DLG2: variants seen among roughly 807,000 people sequenced by gnomAD.
The protein encoded by DLG2 is disks large homolog 2.
In DLG2, 45 loss-of-function variants were observed where a neutral mutation model predicts 132.5. The observed-to-expected ratio is 0.34, with a 90% CI of 0.27 to 0.44. The LOEUF is 0.44. DLG2 is among the 20% of genes least tolerant of loss of function. The pLI is 1.00. For synonymous variants in DLG2, 424 were observed against 419.6 expected (o/e 1.01, Z -0.13); for missense variants, 1,045 against 1,196.9 (o/e 0.87, Z 1.87).
At chr11:83,789,774 T>A (rs2041033983) in intron 17 of DLG2, among the ~76,000 whole-genome samples, 1 of 152,160 alleles carries the variant, frequency 6.6e-6, no homozygotes, top group Non-Finnish European at 1.5e-5. Flanking sequence ...TCTCAATCTT[T>A]TGACCTCGTG....
chr11:83,589,125 A>C (rs1414876408), intron 19 of DLG2, among the ~76,000 whole-genome samples: 1 of 150,334 alleles, frequency 6.7e-6, no homozygotes, highest in Admixed American at 6.6e-5. Context: ...GTTCAGATTC[A>C]GGAAATACAG....
chr11:85,526,681 A>C (rs1325837442), intron 3 of DLG2, among the ~76,000 whole-genome samples: 1 of 152,162 alleles, frequency 6.6e-6, no homozygotes, highest in African/African-American at 2.4e-5. Flanking sequence ...TTGCTAGTAA[A>C]TAGTTTTTCT....
intron 18 of DLG2, among the ~76,000 whole-genome samples, chr11:83,663,334 G>A (rs1444929625): frequency 6.6e-6 from 1 of 152,038 alleles, no homozygotes; most frequent in African/African-American, 2.4e-5. Flanking sequence ...GCTCACAGTG[G>A]GTATAATATA....
At chr11:85,521,863 C>T (rs113110607) in intron 3 of DLG2, among the ~76,000 whole-genome samples, 1,789 of 152,026 alleles carry the variant, frequency 0.012, 32 homozygotes, top group African/African-American at 0.041. Context: ...TCTGGCAGAA[C>T]ACATTTCTAA....
At chr11:84,699,746 C>T (rs1343600449) in intron 6 of DLG2, among the ~76,000 whole-genome samples, 1 of 151,528 alleles carries the variant, frequency 6.6e-6, no homozygotes, top group African/African-American at 2.4e-5. Flanking sequence ...GTATATGCAA[C>T]TCTAAAGGAC....
chr11:85,193,715 A>T (rs2080808924), intron 4 of DLG2, among the ~76,000 whole-genome samples: 1 of 152,092 alleles, frequency 6.6e-6, no homozygotes, highest in South Asian at 2.1e-4. Flanking sequence ...CCATTTTTTT[A>T]AAATTGGATT....
chr11:84,382,248 T>C (rs993666596), intron 7 of DLG2, among the ~76,000 whole-genome samples: 40 of 152,244 alleles, frequency 2.6e-4, no homozygotes, highest in Non-Finnish European at 5.1e-4. Flanking sequence ...AGTTTTTTTT[T>C]CTCAGTGTTT....
At chr11:83,569,215 T>C (rs953251856) in intron 19 of DLG2, among the ~76,000 whole-genome samples, 7 of 151,736 alleles carry the variant, frequency 4.6e-5, no homozygotes, top group Non-Finnish European at 8.9e-5. Context: ...TTTTTAATTC[T>C]GAATTTGATT....
intron 3 of DLG2, among the ~76,000 whole-genome samples, chr11:85,356,246 A>G (rs2083681406): frequency 6.6e-6 from 1 of 151,906 alleles, no homozygotes; most frequent in African/African-American, 2.4e-5. Context: ...TTCTTTTTTT[A>G]CTCCTGCTTA....
intron 22 of DLG2, among the ~76,000 whole-genome samples, chr11:83,482,649 T>C (rs530032835): frequency 6.6e-6 from 1 of 152,164 alleles, no homozygotes; most frequent in South Asian, 2.1e-4. Flanking sequence ...TTTAAACATT[T>C]CAAGCAGGAT....
intron 5 of DLG2, among the ~76,000 whole-genome samples, chr11:85,130,349 T>C (rs1475719259): frequency 1.3e-5 from 2 of 152,136 alleles, no homozygotes. Flanking sequence ...AAAGGAGGAA[T>C]TTATCTCTAT....
At chr11:85,136,028 C>T (rs118103899) in intron 5 of DLG2, among the ~76,000 whole-genome samples, 3,649 of 152,192 alleles carry the variant, frequency 0.024, 71 homozygotes, top group Admixed American at 0.055. Context: ...AAGAGAATTG[C>T]GTGCACTCTA....
chr11:84,006,971 C>T (rs2094601600), intron 11 of DLG2, among the ~76,000 whole-genome samples: 1 of 151,642 alleles, frequency 6.6e-6, no homozygotes. Context: ...AAAGACTAAC[C>T]TTAAATTTAA....
chr11:83,820,702 T>C (rs1411166986), intron 17 of DLG2, among the ~76,000 whole-genome samples: 1 of 152,174 alleles, frequency 6.6e-6, no homozygotes, highest in Non-Finnish European at 1.5e-5. Context: ...TTTCCTTTTT[T>C]ACTGATTCAC....
chr11:84,796,067 A>C (rs528010239), intron 6 of DLG2, among the ~76,000 whole-genome samples: 1 of 152,228 alleles, frequency 6.6e-6, no homozygotes. Flanking sequence ...AGTGGGCCCA[A>C]GCAAAACTTG....
At chr11:84,247,983 C>T (rs768861764) in intron 8 of DLG2, among the ~76,000 whole-genome samples, 2 of 152,072 alleles carry the variant, frequency 1.3e-5, no homozygotes, top group African/African-American at 4.8e-5. Flanking sequence ...CTAAAATGCC[C>T]TAGGGAACTC....
intron 3 of DLG2, among the ~76,000 whole-genome samples, chr11:85,293,968 A>T (rs542072812): frequency 6.6e-6 from 1 of 152,162 alleles, no homozygotes; most frequent in African/African-American, 2.4e-5. Context: ...AAAGCTGGGC[A>T]TGGTGGCTAA....
intron 6 of DLG2, chr11:84,936,580 A>G (rs1479894866): frequency 6.6e-6 from 1 of 152,152 alleles, no homozygotes; most frequent in East Asian, 1.9e-4. Flanking sequence ...TACATATTTT[A>G]TACACATGTA....
intron 6 of DLG2, among the ~76,000 whole-genome samples, chr11:84,988,094 C>G (rs1035210739): frequency 2.6e-5 from 4 of 151,776 alleles, no homozygotes; most frequent in Non-Finnish European, 5.9e-5. Flanking sequence ...CATGAATAGA[C>G]AATTCTCAAA....
Sources: gnomAD v4.1 joint callset for allele counts (sites outside exome capture counted in the v4.1 genomes callset) on GRCh38, gnomAD v4.1.1 for gene constraint, MANE v1.5 for transcripts, NCBI Gene and HGNC (gene_info 2026-07-23, HGNC 2026-07-21) for gene names.